CLYBL: variants seen among roughly 807,000 people sequenced by gnomAD.
CLYBL encodes citramalyl-CoA lyase, mitochondrial.
A neutral mutation model predicts 38.9 loss-of-function variants in CLYBL; 31 were observed. The ratio of observed to expected loss-of-function variants is 0.80; its 90% CI spans 0.60 to 1.08. CLYBL has a LOEUF of 1.08. Ranked by LOEUF, CLYBL falls within the 50% of genes least tolerant of loss-of-function variation. The pLI, the probability that CLYBL is intolerant of heterozygous loss-of-function variation, is 0.00. For missense variants in CLYBL, 434 were observed against 411.6 expected (o/e 1.05, Z -0.47); for synonymous variants, 171 against 158.6 (o/e 1.08, Z -0.59).
intron 1 of CLYBL, among the ~76,000 whole-genome samples, chr13:99,632,477 C>T (rs553118114): frequency 3.3e-5 from 5 of 152,346 alleles, no homozygotes; most frequent in Admixed American, 6.5e-5. Context: ...CATTGTGGCT[C>T]ATGCCTGTAA....
chr13:99,757,727 G>C (rs998805014), intron 1 of CLYBL, among the ~76,000 whole-genome samples: 1 of 152,170 alleles, frequency 6.6e-6, no homozygotes, highest in African/African-American at 2.4e-5. Context: ...CCAAAGTGTT[G>C]GGATTATAGG....
chr13:99,793,671 G>A (rs1434814775), intron 2 of CLYBL, among the ~76,000 whole-genome samples: 1 of 151,926 alleles, frequency 6.6e-6, no homozygotes, highest in Non-Finnish European at 1.5e-5. Flanking sequence ...ATCTCTATTA[G>A]GGTCATAATA....
intron 1 of CLYBL, among the ~76,000 whole-genome samples, chr13:99,682,175 G>C (rs894728728): frequency 6.6e-6 from 1 of 150,682 alleles, no homozygotes; most frequent in Non-Finnish European, 1.5e-5. Flanking sequence ...ACAGAGTCTC[G>C]CTCTGTCGCC....
chr13:99,693,184 A>G (rs1037080360), intron 1 of CLYBL, among the ~76,000 whole-genome samples: 68 of 152,140 alleles, frequency 4.5e-4, no homozygotes, highest in African/African-American at 1.5e-3. Flanking sequence ...ATTATGAAGC[A>G]TCTTATATTC....
At chr13:99,909,301 A>G (rs1443446242) in exon 10 of CLYBL, among the ~76,000 whole-genome samples, 4 of 152,254 alleles carry the variant, frequency 2.6e-5, no homozygotes, top group East Asian at 1.9e-4. Flanking sequence ...CAGTTGTCTC[A>G]TTCTGTAAAA....
At chr13:99,853,601 G>C (rs955389331) in intron 2 of CLYBL, among the ~76,000 whole-genome samples, 1 of 152,046 alleles carries the variant, frequency 6.6e-6, no homozygotes, top group African/African-American at 2.4e-5. Context: ...CACCTTGCCT[G>C]TTGAAACATA....
At position 99,634,922 on chromosome 13, in the gene CLYBL, C is replaced by T. The variant is rs564247593; in HGVS notation, c.62+28165C>T. On this transcript the variant is annotated intron_variant, in intron 1 of 8. Transcript: ENST00000339105. ...CTTCTTTCCATTGCTAGGTCTTCTT[C>T]CCCATCCCCAGACGTCCCTGCTCAT... Among the ~76,000 whole-genome samples, 4 of 152,280 alleles carry T rather than the reference C, an allele frequency of 2.6e-5. No homozygotes were observed. In the East Asian group the frequency reaches 7.8e-4, roughly 30 times the overall value.
chr13:99,872,272 A>G (rs1033217452), intron 7 of CLYBL, among the ~76,000 whole-genome samples: 6 of 152,300 alleles, frequency 3.9e-5, no homozygotes, highest in African/African-American at 1.2e-4. Flanking sequence ...GAAATACCCA[A>G]TTTGGACTTA....
intron 1 of CLYBL, among the ~76,000 whole-genome samples, chr13:99,715,420 T>C (rs966638492): frequency 6.6e-6 from 1 of 151,198 alleles, no homozygotes; most frequent in Admixed American, 6.6e-5. Context: ...TCTTTTCTTT[T>C]TTTTTTTTTT....
chr13:99,747,092 A>C (rs2048864793), intron 1 of CLYBL, among the ~76,000 whole-genome samples: 1 of 152,186 alleles, frequency 6.6e-6, no homozygotes, highest in Admixed American at 6.5e-5. Flanking sequence ...TCTCACCAAA[A>C]GTAGAGCCAG....
At chr13:99,866,168 G>T in intron 5 of CLYBL, 72 bp from the exon 6 acceptor site, 2 of 1,443,068 alleles carry the variant, frequency 1.4e-6, no homozygotes, top group Non-Finnish European at 1.9e-6. Context: ...ACAAACTGAG[G>T]TTTTATAATA....
intron 1 of CLYBL, among the ~76,000 whole-genome samples, chr13:99,693,086 G>A (rs2047931457): frequency 6.6e-6 from 1 of 152,146 alleles, no homozygotes; most frequent in Non-Finnish European, 1.5e-5. Context: ...ATATAGCTAG[G>A]AGTGGAATTG....
intron 1 of CLYBL, among the ~76,000 whole-genome samples, chr13:99,745,591 A>G (rs1312366430): frequency 6.6e-6 from 1 of 152,246 alleles, no homozygotes; most frequent in Non-Finnish European, 1.5e-5. Flanking sequence ...ACTATGTTAG[A>G]AAAGCCTTCA....
intron 2 of CLYBL, among the ~76,000 whole-genome samples, chr13:99,780,684 C>T (rs12427647): frequency 0.13 from 18,258 of 143,288 alleles, 1,524 homozygotes; most frequent in East Asian, 0.39. Flanking sequence ...CCGACAATTT[C>T]TCTTTTAACT....
At position 99,811,550 on chromosome 13, in the gene CLYBL, C is replaced by T. The variant is rs572055068; in HGVS notation, c.249+38540C>T. On this transcript the variant is annotated intron_variant, in intron 2 of 8. Coordinates refer to ENST00000339105, the MANE Select transcript of CLYBL (RefSeq NM_206808.5). ...TGATGAGAAGGAGGAAGCTGAGAAGCGGCTGGAGCCAGAGAAAGCCCAGAA... is the reference window on the plus strand; with the variant it reads ...TGATGAGAAGGAGGAAGCTGAGAAGTGGCTGGAGCCAGAGAAAGCCCAGAA... Among the ~76,000 whole-genome samples the T allele has an allele frequency of 9.2e-5, 14 of 152,232 alleles. No homozygotes were observed. The East Asian group carries it at 1.7e-3, about 19-fold the overall frequency.
chr13:99,823,451 C>T (rs1452546326), intron 2 of CLYBL, among the ~76,000 whole-genome samples: 1 of 152,178 alleles, frequency 6.6e-6, no homozygotes, highest in Non-Finnish European at 1.5e-5. Flanking sequence ...TGAAAGCATC[C>T]CTGTGTTCCA....
rs562535379 is a variant in CLYBL, at chr13:99,902,252, A to G, written c.*25-3018A>G. ...TTAGTATAAAAACAGATATTTTCAA[A>G]TTATGAGAAACATTCCATTTTAGGT... is the stretch of plus-strand genomic sequence containing the variant. On this transcript the variant is annotated intron_variant and NMD_transcript_variant, in intron 8 of 9. Transcript: ENST00000689673. Among the ~76,000 whole-genome samples, 26 of 152,370 alleles carry G rather than the reference A, an allele frequency of 1.7e-4. No homozygotes were observed. In the South Asian group the frequency reaches 5.4e-3, roughly 32 times the overall value.
At chr13:99,673,682 A>G (rs769011865) in intron 1 of CLYBL, among the ~76,000 whole-genome samples, 5 of 152,230 alleles carry the variant, frequency 3.3e-5, no homozygotes, top group Non-Finnish European at 7.3e-5. Context: ...AGGGGGAACC[A>G]GAGGCCAGAT....
chr13:99,791,375 CAAAA>C (rs1566328671), intron 2 of CLYBL, among the ~76,000 whole-genome samples: 15 of 151,446 alleles, frequency 9.9e-5, no homozygotes, highest in Admixed American at 9.9e-4. Context: ...AAAAAACAAA[CAAAA>C]AACAGCGGTG....
Sources: allele counts gnomAD v4.1 joint callset (sites outside exome capture counted in the v4.1 genomes callset), GRCh38; gene constraint gnomAD v4.1.1; transcripts MANE v1.5; gene names NCBI Gene and HGNC (gene_info 2026-07-23, HGNC 2026-07-21).